The following RANBP17 variants were observed in gnomAD, a reference collection of about 807,000 sequenced individuals.
RANBP17 encodes ran-binding protein 17.
Under a neutral mutation model 141.2 loss-of-function variants are expected in RANBP17, and 158 were observed. The observed-to-expected ratio is 1.12, with a 90% CI of 0.98 to 1.28. The LOEUF is 1.28. Among genes scored for constraint, RANBP17 ranks in the 50% most tolerant of loss-of-function variants. The pLI, the probability that RANBP17 is intolerant of heterozygous loss-of-function variation, is 0.00. For missense variants in RANBP17, 1,438 were observed against 1,290.7 expected, an observed-to-expected ratio of 1.11 and a Z score of -1.75; for synonymous variants, 430 against 450.0, an observed-to-expected ratio of 0.96 and a Z score of 0.56.
At chr5:170,925,873 T>C (rs1476518923) in intron 12 of RANBP17, among the ~76,000 whole-genome samples, 1 of 152,210 alleles carries the variant, frequency 6.6e-6, no homozygotes, top group African/African-American at 2.4e-5. Context: ...CATATAGCTA[T>C]AGTTCCTTCA....
intron 24 of RANBP17, among the ~76,000 whole-genome samples, chr5:171,255,643 A>T (rs779513402): frequency 2.6e-5 from 4 of 152,180 alleles, no homozygotes; most frequent in Non-Finnish European, 4.4e-5. Flanking sequence ...TTTGAAGTTT[A>T]TCAAAAATTC....
intron 5 of RANBP17, chr5:170,903,753 A>G (rs1770853913): frequency 6.3e-6 from 2 of 318,678 alleles, no homozygotes; most frequent in Admixed American, 7.4e-5. Context: ...AAAGTTGGGT[A>G]CAACTGTAGA....
intron 14 of RANBP17, among the ~76,000 whole-genome samples, chr5:171,149,155 A>G (rs560172813): frequency 4.6e-5 from 7 of 152,304 alleles, no homozygotes; most frequent in Admixed American, 2.6e-4. Context: ...CCACTGTACA[A>G]AGGCCCCTTT....
intron 3 of RANBP17, among the ~76,000 whole-genome samples, chr5:170,885,810 G>T (rs1769092317): frequency 6.6e-6 from 1 of 150,948 alleles, no homozygotes; most frequent in Non-Finnish European, 1.5e-5. Context: ...CTACCTATTA[G>T]GTTTATTAGA....
intron 14 of RANBP17, among the ~76,000 whole-genome samples, chr5:170,980,222 A>G (rs1418486376): frequency 6.6e-6 from 1 of 152,224 alleles, no homozygotes; most frequent in Non-Finnish European, 1.5e-5. Context: ...TGTTAAAGGC[A>G]TTCAGTTTTA....
At chr5:171,056,662 T>C (rs770615470) in intron 14 of RANBP17, among the ~76,000 whole-genome samples, 3 of 152,156 alleles carry the variant, frequency 2.0e-5, no homozygotes, top group Admixed American at 6.6e-5. Flanking sequence ...TTTTGGACTT[T>C]AGGGGACCTA....
At chr5:171,032,919 A>C (rs1253194593) in intron 14 of RANBP17, among the ~76,000 whole-genome samples, 1 of 152,214 alleles carries the variant, frequency 6.6e-6, no homozygotes, top group Non-Finnish European at 1.5e-5. Context: ...CTTGGCAGTA[A>C]TAGAAAACTG....
At chr5:171,048,186 C>T (rs1384128844) in intron 14 of RANBP17, among the ~76,000 whole-genome samples, 4 of 152,078 alleles carry the variant, frequency 2.6e-5, no homozygotes, top group Non-Finnish European at 5.9e-5. Flanking sequence ...CCTCAGCTTC[C>T]CACGTAGCTG....
intron 16 of RANBP17, among the ~76,000 whole-genome samples, chr5:171,179,586 C>G (rs891824108): frequency 6.6e-6 from 1 of 151,950 alleles, no homozygotes; most frequent in African/African-American, 2.4e-5. Context: ...AAATATTTGC[C>G]CAGATTCAGT....
intron 14 of RANBP17, among the ~76,000 whole-genome samples, chr5:171,037,295 C>T (rs1440376506): frequency 6.6e-6 from 1 of 151,838 alleles, no homozygotes; most frequent in Non-Finnish European, 1.5e-5. Flanking sequence ...TTTAATGGAG[C>T]TGTTTTTTGC....
At chr5:170,875,570 A>T (rs1429824487) in intron 1 of RANBP17, among the ~76,000 whole-genome samples, 1 of 152,024 alleles carries the variant, frequency 6.6e-6, no homozygotes, top group Non-Finnish European at 1.5e-5. Flanking sequence ...TCAAGCTCTG[A>T]TACTTTTTCT....
At chr5:171,014,823 A>C (rs1478058797) in intron 14 of RANBP17, among the ~76,000 whole-genome samples, 1 of 151,952 alleles carries the variant, frequency 6.6e-6, no homozygotes, top group Non-Finnish European at 1.5e-5. Flanking sequence ...GTTTCTTGTA[A>C]AATTTCATGT....
At chr5:171,056,055 T>TATTCA (rs1309230081) in intron 14 of RANBP17, among the ~76,000 whole-genome samples, 21 of 152,168 alleles carry the variant, frequency 1.4e-4, no homozygotes, top group Non-Finnish European at 2.5e-4. Context: ...TTCAATTGTT[T>TATTCA]AAAGTTGTAA....
chr5:171,250,687 G>A (rs1765501705), intron 24 of RANBP17, among the ~76,000 whole-genome samples: 1 of 152,062 alleles, frequency 6.6e-6, no homozygotes, highest in Non-Finnish European at 1.5e-5. Flanking sequence ...AACAGGAATA[G>A]CTACCCTTGT....
At chr5:170,897,935 T>C (rs879182782) in intron 5 of RANBP17, among the ~76,000 whole-genome samples, 1 of 152,200 alleles carries the variant, frequency 6.6e-6, no homozygotes, top group Non-Finnish European at 1.5e-5. Context: ...AGTAATGGGA[T>C]TGTTGGGTCA....
rs564138353 is a variant in RANBP17 at position 170,904,593 on chromosome 5, A to C, written c.490-5068A>C. ...GGAAATATTTTTGTCTAAAAGAGTG[A>C]TTTCTGTTTAATCACAATTTGTCGA... is the stretch of plus-strand genomic sequence containing the variant. On this transcript the variant is annotated intron_variant, in intron 5 of 27. Coordinates refer to ENST00000523189, the MANE Select transcript of RANBP17 (RefSeq NM_022897.5). 3.9e-5 allele frequency: 6 copies of C among 152,242 alleles called. No homozygotes were observed. The East Asian group carries it at 1.2e-3, about 29-fold the overall frequency. 9.4% of individuals were successfully genotyped at this position (152,242 alleles called of 1,614,324 possible).
At chr5:171,102,055 T>A (rs1196926668) in intron 14 of RANBP17, among the ~76,000 whole-genome samples, 1 of 152,196 alleles carries the variant, frequency 6.6e-6, no homozygotes, top group East Asian at 1.9e-4. Context: ...TTGGAGAATC[T>A]GATGATTATG....
chr5:171,041,496 T>C (rs1782246516), intron 14 of RANBP17, among the ~76,000 whole-genome samples: 4 of 152,114 alleles, frequency 2.6e-5, no homozygotes, highest in African/African-American at 9.7e-5. Context: ...AACAAGAGTA[T>C]GTTCTAAGAA....
At chr5:170,914,561 C>T (rs7702103) in intron 8 of RANBP17, among the ~76,000 whole-genome samples, 91,185 of 151,802 alleles carry the variant, frequency 0.6, 29,140 homozygotes, top group South Asian at 0.88. Context: ...AGCAGCTGAC[C>T]ACCACACAAG....
Sources: allele counts gnomAD v4.1 joint callset (sites outside exome capture counted in the v4.1 genomes callset), GRCh38; gene constraint gnomAD v4.1.1; transcripts MANE v1.5; gene names NCBI Gene and HGNC (gene_info 2026-07-23, HGNC 2026-07-21).